Variants in PIANP observed in about 807,000 individuals in gnomAD.
The protein encoded by PIANP is PILR alpha associated neural protein.
PIANP carries 14 observed loss-of-function variants against 28.9 expected under a neutral mutation model. The ratio of observed to expected loss-of-function variants is 0.49; its 90% CI spans 0.32 to 0.76. PIANP has a LOEUF of 0.76. PIANP is among the 30% of genes least tolerant of loss of function. PIANP has a pLI of 0.03. For synonymous variants in PIANP, 149 were observed against 156.6 expected (o/e 0.95, Z 0.36); for missense variants, 322 against 371.8 (o/e 0.87, Z 1.10).
chr12:6,692,632 A>G (rs973634491), downstream of PIANP, among the ~76,000 whole-genome samples: 1 of 152,170 alleles, frequency 6.6e-6, no homozygotes, highest in African/African-American at 2.4e-5. Flanking sequence ...TTGACTCCTC[A>G]GAAGCTTGTT....
At position 6,697,153 on chromosome 12, in the gene PIANP, C is replaced by A. The variant is rs986996512; in HGVS notation, c.523+134G>T. On this transcript the variant is annotated intron_variant, in intron 3 of 4. Transcript: ENST00000534837. This position sits in a 1 kb window ranked among gnomAD's most constrained non-coding sequence, Gnocchi z 6.9. ...CTGAACTCCGAGAGGGTGTCTTTAT[C>A]TCTGCATCCTGTGCCAGTATAGTGC... 26 of 1,312,844 alleles carry A rather than the reference C, an allele frequency of 2.0e-5. 1 individual carries two copies. In the South Asian group the frequency reaches 3.8e-4, roughly 19 times the overall value. 81.3% of individuals were successfully genotyped at this position (1,312,844 alleles called of 1,614,324 possible). A position where few individuals can be genotyped will look rare whatever the true frequency, so the allele number is the denominator to read the frequency against.
chr12:6,699,368 G>A (rs1959979382), intron 1 of PIANP, among the ~76,000 whole-genome samples: 1 of 152,152 alleles, frequency 6.6e-6, no homozygotes, highest in Non-Finnish European at 1.5e-5. Context: ...GGGGTGAAGG[G>A]CTGGGAGATG....
In PIANP at chr12:6,695,284, T is replaced by C; in HGVS notation, c.*142A>G. 1 of 1,409,098 alleles carries C rather than the reference T, an allele frequency of 7.1e-7. No individual in the cohort carries two copies. The highest frequency in any genetic ancestry group is 9.3e-7 in the Non-Finnish European group (1 of 1,076,044). The allele number at this position is 1,409,098 out of a possible 1,614,324, so 87.3% of individuals were successfully genotyped here. On this transcript the variant is annotated 3_prime_UTR_variant, in exon 5 of 5. Transcript: ENST00000534837. This position sits in a 1 kb window ranked among gnomAD's most constrained non-coding sequence, Gnocchi z 4.2. ...GGAAGGGTGCCTCCCAGAGAGGAGC[T>C]GGTCCAGCCCCCTTGGGAGGGCCAG...
chr12:6,695,250 C>T lies in PIANP; in HGVS notation c.*176G>A. 1 of 1,400,536 alleles carries T rather than the reference C, an allele frequency of 7.1e-7. No individual in the cohort carries two copies. 86.8% of individuals were successfully genotyped at this position (1,400,536 alleles called of 1,614,324 possible). Reference sequence around the variant, plus strand: ...AGAATAGGACACAGATCCTGAGAGACTGGGAGAAGGAAGGGTGCCTCCCAG... The same window carrying T: ...AGAATAGGACACAGATCCTGAGAGATTGGGAGAAGGAAGGGTGCCTCCCAG... On this transcript the variant is annotated 3_prime_UTR_variant, in exon 5 of 5. Transcript: ENST00000534837. The surrounding 1 kb of genome is among the most constrained non-coding windows in gnomAD (Gnocchi z 4.2).
rs550876860 is a variant in PIANP at position 6,694,759 on chromosome 12, G to A, written c.*667C>T. The A allele has an allele frequency of 2.3e-6, 1 of 439,470 alleles. No homozygotes were observed. The highest frequency in any genetic ancestry group is 3.4e-5 in the East Asian group (1 of 29,266). 27.2% of individuals were successfully genotyped at this position (439,470 alleles called of 1,614,324 possible). ...AGAGGGTGCAGGAGCGTGTGCAAATGGCCTGTGAAGGTGGAGGTGAGTGTG... is the reference window on the plus strand; with the variant it reads ...AGAGGGTGCAGGAGCGTGTGCAAATAGCCTGTGAAGGTGGAGGTGAGTGTG... On this transcript the variant is annotated 3_prime_UTR_variant, in exon 5 of 5. Coordinates refer to ENST00000534837, the MANE Select transcript of PIANP (RefSeq NM_001244014.2). The surrounding 1 kb of genome is among the most constrained non-coding windows in gnomAD (Gnocchi z 6.1).
rs964897507 is a variant in PIANP, at chr12:6,696,333, A to G, written c.605+110T>C. On this transcript the variant is annotated intron_variant, in intron 4 of 4. Coordinates refer to ENST00000534837, the MANE Select transcript of PIANP (RefSeq NM_001244014.2). This position sits in a 1 kb window ranked among gnomAD's most constrained non-coding sequence, Gnocchi z 4.0. ...TCCCAAGGTCTTGCCTTCATCCAGC[A>G]TTTCCCACCCACCCCCCAGCAAAAT... 1.0e-5 allele frequency: 8 copies of G among 764,670 alleles called. No individual in the cohort carries two copies. The highest frequency in any genetic ancestry group is 1.4e-5 in the Non-Finnish European group (7 of 491,462). The allele number at this position is 764,670 out of a possible 1,614,324, so 47.4% of individuals were successfully genotyped here. A position where few individuals can be genotyped will look rare whatever the true frequency, so the allele number is the denominator to read the frequency against.
chr12:6,700,234 G>A lies in PIANP; in HGVS notation c.-44+380C>T, dbSNP rs1398751014. 2 of 152,074 alleles carry A rather than the reference G, an allele frequency of 1.3e-5. No homozygotes were observed. Among genetic ancestry groups the A allele is most frequent in the East Asian group, 1.9e-4 (1 of 5,178 alleles). 9.4% of individuals were successfully genotyped at this position (152,074 alleles called of 1,614,324 possible). A position where few individuals can be genotyped will look rare whatever the true frequency, so the allele number is the denominator to read the frequency against. Reference sequence around the variant, plus strand: ...TGGCCCCCATCCCACCCATCCCGCAGGCCCGCACTCCCCGCACAGGGCTGG... The same window carrying A: ...TGGCCCCCATCCCACCCATCCCGCAAGCCCGCACTCCCCGCACAGGGCTGG... On this transcript the variant is annotated intron_variant, in intron 1 of 4. Coordinates refer to ENST00000534837, the MANE Select transcript of PIANP (RefSeq NM_001244014.2). This position sits in a 1 kb window ranked among gnomAD's most constrained non-coding sequence, Gnocchi z 5.5.
rs1959844833 is a variant in PIANP, at chr12:6,695,784, T to G, written c.606-133A>C. On this transcript the variant is annotated intron_variant, in intron 4 of 4. Transcript: ENST00000534837. This position sits in a 1 kb window ranked among gnomAD's most constrained non-coding sequence, Gnocchi z 4.2. The stretch of plus-strand genomic sequence containing the variant: ...TAGCAGAGAAACTGGCCTTTAACAG[T>G]TCTCTCTACTAAATCCCCTGGGACT... 2 of 1,048,712 alleles carry G rather than the reference T, an allele frequency of 1.9e-6. No individual in the cohort carries two copies. The highest frequency in any genetic ancestry group is 4.2e-5 in the Admixed American group (1 of 23,972). The allele number at this position is 1,048,712 out of a possible 1,614,324, so 65.0% of individuals were successfully genotyped here.
Position 6,695,403 on chromosome 12 carries a change from C to T in PIANP, c.*23G>A. On this transcript the variant is annotated 3_prime_UTR_variant, in exon 5 of 5. Transcript: ENST00000534837. The surrounding 1 kb of genome is among the most constrained non-coding windows in gnomAD (Gnocchi z 4.2). ...ACCTAAGTTGCCTTCCCTCTTTGCC[C>T]TCCCATCCCATTGCCCCTGCCCTCA... 2.1e-6 allele frequency: 3 copies of T among 1,461,394 alleles called. No homozygotes were observed. The highest frequency in any genetic ancestry group is 1.4e-5 in the African/African-American group (1 of 70,106). 90.5% of individuals were successfully genotyped at this position (1,461,394 alleles called of 1,614,324 possible).
In PIANP at chr12:6,697,219, T is replaced by C. The variant is rs1959890730; in HGVS notation, c.523+68A>G. On this transcript the variant is annotated intron_variant, in intron 3 of 4. Coordinates refer to ENST00000534837, the MANE Select transcript of PIANP (RefSeq NM_001244014.2). The surrounding 1 kb of genome is among the most constrained non-coding windows in gnomAD (Gnocchi z 6.9). ...AAGGAGCTAACAGACAAGGCCTCTA[T>C]TTCTGCCCCTTGGTGTCTTCACCCA... 2 of 1,580,660 alleles carry C rather than the reference T, an allele frequency of 1.3e-6. No homozygotes were observed. The highest frequency in any genetic ancestry group is 1.7e-6 in the Non-Finnish European group (2 of 1,167,704).
At position 6,696,193 on chromosome 12, in the gene PIANP, C is replaced by G. The variant is rs897436056; in HGVS notation, c.605+250G>C. Among the ~76,000 whole-genome samples, 1 of 152,172 alleles carries G rather than the reference C, an allele frequency of 6.6e-6. No homozygotes were observed. The highest frequency in any genetic ancestry group is 2.4e-5 in the African/African-American group (1 of 41,426). On this transcript the variant is annotated intron_variant, in intron 4 of 4. Coordinates refer to ENST00000534837, the MANE Select transcript of PIANP (RefSeq NM_001244014.2). This position sits in a 1 kb window ranked among gnomAD's most constrained non-coding sequence, Gnocchi z 4.0. ...AGGAAGTAGGGGCAGGGGAGGCTCA[C>G]CAGGAATGCACAGGAATAATTCCCC...
chr12:6,693,672 G>C (rs1959753368), downstream of PIANP: 1 of 152,468 alleles, frequency 6.6e-6, no homozygotes. Context: ...CTCCAGGTCA[G>C]AGGAGGGCAG....
Position 6,696,558 on chromosome 12 carries a change from C to T in PIANP, c.524-34G>A. The T allele has an allele frequency of 6.6e-7, 1 of 1,504,352 alleles. No individual in the cohort carries two copies. Among genetic ancestry groups the T allele is most frequent in the Non-Finnish European group, 9.0e-7 (1 of 1,114,248 alleles). 93.2% of individuals were successfully genotyped at this position (1,504,352 alleles called of 1,614,324 possible). On this transcript the variant is annotated intron_variant, in intron 3 of 4. Transcript: ENST00000534837. The surrounding 1 kb of genome is among the most constrained non-coding windows in gnomAD (Gnocchi z 4.0). ...GGTGGGAAGAAAGTTTTAGGGAGCC[C>T]CGAGGTGGTAGGAGCCAAGAGGGGC...
rs1960010896 is a variant in PIANP, at chr12:6,700,184, C to G, written c.-44+430G>C. Reference sequence around the variant, plus strand: ...GGGGTGGGGCAGGAGCCTCGGGGTGCGGGAGCCGGGCCCCAGCCCCAGCGT... The same window carrying G: ...GGGGTGGGGCAGGAGCCTCGGGGTGGGGGAGCCGGGCCCCAGCCCCAGCGT... On this transcript the variant is annotated intron_variant, in intron 1 of 4. Coordinates refer to ENST00000534837, the MANE Select transcript of PIANP (RefSeq NM_001244014.2). This position sits in a 1 kb window ranked among gnomAD's most constrained non-coding sequence, Gnocchi z 5.5. The G allele has an allele frequency of 2.0e-5, 3 of 152,206 alleles. No individual in the cohort carries two copies. The highest frequency in any genetic ancestry group is 6.5e-5 in the Admixed American group (1 of 15,276). The allele number at this position is 152,206 out of a possible 1,614,324, so 9.4% of individuals were successfully genotyped here.
rs780242224 is a variant in PIANP, at chr12:6,695,656, G to A, written c.606-5C>T. The A allele has an allele frequency of 2.0e-6, 3 of 1,495,334 alleles. No homozygotes were observed. The highest frequency in any genetic ancestry group is 1.4e-5 in the South Asian group (1 of 71,936). 92.6% of individuals were successfully genotyped at this position (1,495,334 alleles called of 1,614,324 possible). On this transcript the variant is annotated splice_region_variant and splice_polypyrimidine_tract_variant and intron_variant, in intron 4 of 4. Coordinates refer to ENST00000534837, the MANE Select transcript of PIANP (RefSeq NM_001244014.2). The surrounding 1 kb of genome is among the most constrained non-coding windows in gnomAD (Gnocchi z 4.2). ...CGCTTCTGGCTGCGGTCCCAGCTGG[G>A]GTACCAGAGGAAAAGAGGTTCTCTT...
chr12:6,693,033 G>T (rs966118055), downstream of PIANP, among the ~76,000 whole-genome samples: 4 of 152,090 alleles, frequency 2.6e-5, no homozygotes, highest in African/African-American at 9.7e-5. Flanking sequence ...GGGGAGGGGG[G>T]ATAGATGGGA....
In PIANP at chr12:6,697,259, CAT is replaced by C; in HGVS notation, c.523+26_523+27del. The C allele has an allele frequency of 6.2e-7, 1 of 1,610,350 alleles. No individual in the cohort carries two copies. On this transcript the variant is annotated intron_variant, in intron 3 of 4. Coordinates refer to ENST00000534837, the MANE Select transcript of PIANP (RefSeq NM_001244014.2). This position sits in a 1 kb window ranked among gnomAD's most constrained non-coding sequence, Gnocchi z 6.9. ...GTCTTCACCCAGCCTCCCCATCCGT[CAT>C]ATCCCTCCCAGCCTTTCCCACTCAC... is the stretch of plus-strand genomic sequence containing the variant.
chr12:6,696,241 T>C lies in PIANP; in HGVS notation c.605+202A>G, dbSNP rs955977562. ...CCCTGCCCTCCCTTATCCTTGTATT[T>C]CCCTGGGAGACAGAATCTGCCCTGA... On this transcript the variant is annotated intron_variant, in intron 4 of 4. Coordinates refer to ENST00000534837, the MANE Select transcript of PIANP (RefSeq NM_001244014.2). This position sits in a 1 kb window ranked among gnomAD's most constrained non-coding sequence, Gnocchi z 4.0. 2.0e-5 allele frequency among the ~76,000 whole-genome samples: 3 copies of C among 152,172 alleles called. No individual in the cohort carries two copies. The highest frequency in any genetic ancestry group is 7.2e-5 in the African/African-American group (3 of 41,428).
downstream of PIANP, among the ~76,000 whole-genome samples, chr12:6,692,372 G>T (rs1180416732): frequency 6.6e-6 from 1 of 152,170 alleles, no homozygotes; most frequent in African/African-American, 2.4e-5. Context: ...TGTGCTCTCC[G>T]GCACTTGAGC....
Sources: gnomAD v4.1 joint callset for allele counts (sites outside exome capture counted in the v4.1 genomes callset) on GRCh38, gnomAD v4.1.1 for gene constraint, Gnocchi (gnomAD v3.1) non-coding constraint, MANE v1.5 for transcripts, NCBI Gene and HGNC (gene_info 2026-07-23, HGNC 2026-07-21) for gene names.